Variants in PARM1 observed in about 807,000 individuals in gnomAD.
The protein encoded by PARM1 is prostate androgen-regulated mucin-like protein 1, also known as WSC4, cell wall integrity and stress response component 4 homolog.
A neutral mutation model predicts 24.6 loss-of-function variants in PARM1; 14 were observed. The ratio of observed to expected loss-of-function variants is 0.57; its 90% confidence interval spans 0.38 to 0.89. PARM1 has a LOEUF of 0.89. PARM1 is among the 40% of genes least tolerant of loss of function. PARM1 has a pLI of 0.00. For synonymous variants in PARM1, 179 were observed against 156.6 expected (o/e 1.14, Z -1.07); for missense variants, 362 against 380.4 (o/e 0.95, Z 0.40).
chr4:74,991,662 G>A (rs747214972), intron 1 of PARM1, among the ~76,000 whole-genome samples: 5 of 152,250 alleles, frequency 3.3e-5, no homozygotes, highest in East Asian at 1.9e-4. Context: ...AATAATTCAC[G>A]TTTCCAGCAG....
At chr4:74,974,857 G>C (rs747551654) in intron 1 of PARM1, among the ~76,000 whole-genome samples, 1 of 152,140 alleles carries the variant, frequency 6.6e-6, no homozygotes, top group Non-Finnish European at 1.5e-5. Context: ...CCTGCTCTCT[G>C]TCTCTCTCCA....
At chr4:74,953,155 T>A (rs1721560334) in intron 1 of PARM1, among the ~76,000 whole-genome samples, 1 of 152,208 alleles carries the variant, frequency 6.6e-6, no homozygotes, top group South Asian at 2.1e-4. Context: ...TATTTCATGT[T>A]CTTTTGGAAT....
chr4:75,007,129 C>G lies in PARM1; in HGVS notation c.44-5296C>G, dbSNP rs147879441. 8.2e-3 allele frequency among the ~76,000 whole-genome samples: 1,246 copies of G among 152,306 alleles called. 17 individuals are homozygous for G. Among genetic ancestry groups the G allele is most frequent in the African/African-American group, 0.029 (1,207 of 41,554 alleles). On this transcript the variant is annotated intron_variant, in intron 1 of 3. Coordinates refer to ENST00000307428, the MANE Select transcript of PARM1 (RefSeq NM_015393.4). ...GCCAACAGACACAGGAAAAAATGCT[C>G]ATCATCACTGGCCATGAGAGAAATG...
intron 2 of PARM1, among the ~76,000 whole-genome samples, chr4:75,016,171 A>AG (rs1472904121): frequency 6.6e-6 from 1 of 152,174 alleles, no homozygotes; most frequent in African/African-American, 2.4e-5. Flanking sequence ...GCTGAGTTGC[A>AG]GAAAATAAAG....
At chr4:74,959,835 G>A (rs1721728045) in intron 1 of PARM1, among the ~76,000 whole-genome samples, 1 of 152,146 alleles carries the variant, frequency 6.6e-6, no homozygotes, top group African/African-American at 2.4e-5. Flanking sequence ...CAGTTAAGAA[G>A]GATTGATCAG....
chr4:74,933,204 C>A lies in PARM1; in HGVS notation c.-124C>A. ...CCTCGCGCCCTCCACTGGAGCTGTTCGCGCCTCCCGGCTCCCACCGCAGCC... is the reference window on the plus strand; with the variant it reads ...CCTCGCGCCCTCCACTGGAGCTGTTAGCGCCTCCCGGCTCCCACCGCAGCC... On this transcript the variant is annotated 5_prime_UTR_variant, in exon 1 of 4. Coordinates refer to ENST00000307428, the MANE Select transcript of PARM1 (RefSeq NM_015393.4). 5 of 760,354 alleles carry A rather than the reference C, an allele frequency of 6.6e-6. No homozygotes were observed. Among genetic ancestry groups the A allele is most frequent in the Middle Eastern group, 2.4e-4 (1 of 4,192 alleles). 47.1% of individuals were successfully genotyped at this position (760,354 alleles called of 1,614,324 possible). A position where few individuals can be genotyped will look rare whatever the true frequency, so the allele number is the denominator to read the frequency against.
At chr4:74,953,358 T>TA (rs1013728666) in intron 1 of PARM1, among the ~76,000 whole-genome samples, 2 of 152,050 alleles carry the variant, frequency 1.3e-5, no homozygotes, top group African/African-American at 2.4e-5. Context: ...ATTTAAGGAA[T>TA]AAAAAAAATT....
intron 1 of PARM1, among the ~76,000 whole-genome samples, chr4:74,959,510 A>G (rs1468056486): frequency 6.6e-6 from 1 of 152,162 alleles, no homozygotes; most frequent in Non-Finnish European, 1.5e-5. Flanking sequence ...TTCTTGTTTT[A>G]AATAATATAA....
chr4:75,037,679 A>G (rs1382650121), intron 3 of PARM1, among the ~76,000 whole-genome samples: 1 of 152,192 alleles, frequency 6.6e-6, no homozygotes, highest in African/African-American at 2.4e-5. Flanking sequence ...TTTAACCAGC[A>G]GCAGTGTGGT....
rs534680971 is a variant in PARM1 at position 75,007,347 on chromosome 4, G to T, written c.44-5078G>T. Among the ~76,000 whole-genome samples the T allele has an allele frequency of 2.6e-5, 4 of 152,312 alleles. No individual in the cohort carries two copies. In the South Asian group the frequency reaches 8.3e-4, roughly 32 times the overall value. Reference sequence around the variant, plus strand: ...TGCGCTCCTCATTGCATTCTCTGTAGTAGTGGTTGCTAAAGTAAGTTCCAC... The same window carrying T: ...TGCGCTCCTCATTGCATTCTCTGTATTAGTGGTTGCTAAAGTAAGTTCCAC... On this transcript the variant is annotated intron_variant, in intron 1 of 3. Transcript: ENST00000307428.
intron 2 of PARM1, among the ~76,000 whole-genome samples, chr4:75,017,332 T>C (rs535704947): frequency 7.2e-5 from 11 of 152,312 alleles, no homozygotes; most frequent in African/African-American, 2.4e-4. Context: ...ATAGGACCTC[T>C]ACCCTCACCT....
At chr4:74,962,329 A>T (rs1208170847) in intron 1 of PARM1, among the ~76,000 whole-genome samples, 2 of 152,288 alleles carry the variant, frequency 1.3e-5, no homozygotes, top group East Asian at 1.9e-4. Flanking sequence ...GGAGAAAATA[A>T]TTAATGCATT....
chr4:74,987,635 G>T (rs1283441055), intron 1 of PARM1, among the ~76,000 whole-genome samples: 2 of 152,176 alleles, frequency 1.3e-5, no homozygotes, highest in East Asian at 1.9e-4. Context: ...GTCAAGAGAT[G>T]AAATTTTGAA....
chr4:75,003,576 T>A (rs1288619184), intron 1 of PARM1, among the ~76,000 whole-genome samples: 1 of 152,202 alleles, frequency 6.6e-6, no homozygotes, highest in Non-Finnish European at 1.5e-5. Context: ...CAGGAGAATA[T>A]GGCTTTCCTA....
chr4:74,951,214 G>A (rs1721515362), intron 1 of PARM1, among the ~76,000 whole-genome samples: 2 of 152,152 alleles, frequency 1.3e-5, no homozygotes, highest in South Asian at 4.1e-4. Context: ...AAATTTCAAA[G>A]GCACCATTTC....
intron 2 of PARM1, among the ~76,000 whole-genome samples, chr4:75,019,222 G>A (rs1412901514): frequency 2.0e-5 from 3 of 152,326 alleles, no homozygotes; most frequent in East Asian, 1.9e-4. Context: ...TACAGTGTGT[G>A]TTTGACTCCC....
chr4:74,935,159 A>G (rs1721154827), intron 1 of PARM1, among the ~76,000 whole-genome samples: 1 of 152,130 alleles, frequency 6.6e-6, no homozygotes, highest in African/African-American at 2.4e-5. Flanking sequence ...ATCAGAGCCC[A>G]GATGGTCACA....
At chr4:74,933,479 C>CA in intron 1 of PARM1, 109 bp downstream of exon 1, 2 of 916,428 alleles carry the variant, frequency 2.2e-6, no homozygotes, top group Non-Finnish European at 3.6e-6. Flanking sequence ...CCGCGCGCCT[C>CA]CGGGTGAGTG....
At position 75,012,990 on chromosome 4, in the gene PARM1, C is replaced by T. The variant is rs756437114; in HGVS notation, c.609C>T (p.Asp203=). The T allele has an allele frequency of 6.2e-7, 1 of 1,613,982 alleles. No homozygotes were observed. Among genetic ancestry groups the T allele is most frequent in the South Asian group, 1.1e-5 (1 of 91,072 alleles). Residue 203 remains aspartate (D), a synonymous_variant, in exon 2 of 4, where the codon GAC becomes GAT. Coordinates refer to ENST00000307428, the MANE Select transcript of PARM1 (RefSeq NM_015393.4). ...PESPTEESSS[D]HTPTSHATAE... is the part of the protein sequence containing the mutation. ...CCCCGACAGAGGAGTCCAGCTCTGA[C>T]CACACACCCACTTCACATGCCACAG...
Sources: gnomAD v4.1 joint callset for allele counts (sites outside exome capture counted in the v4.1 genomes callset) on GRCh38, gnomAD v4.1.1 for gene constraint, MANE v1.5 for transcripts, NCBI Gene and HGNC (gene_info 2026-07-23, HGNC 2026-07-21) for gene names.